Variants in VSNL1 observed in about 807,000 individuals in gnomAD.
The protein encoded by VSNL1 is visinin like 1.
Under a neutral mutation model 20.4 loss-of-function variants are expected in VSNL1, and 6 were observed. That is an observed-to-expected ratio of 0.29 (90% CI 0.16 to 0.58). The LOEUF (loss-of-function observed/expected upper bound fraction) is 0.58, where lower values mean the gene tolerates loss of function less well. Among genes scored for constraint, VSNL1 ranks in the 20% least tolerant of loss-of-function variants. The pLI, the probability that VSNL1 is intolerant of heterozygous loss-of-function variation, is 0.90. For missense variants in VSNL1, 100 were observed against 234.5 expected, an observed-to-expected ratio of 0.43 and a Z score of 3.75; for synonymous variants, 93 against 86.4, an observed-to-expected ratio of 1.08 and a Z score of -0.42.
At chr2:17,644,190 C>T (rs1665944661) in intron 2 of VSNL1, among the ~76,000 whole-genome samples, 1 of 152,110 alleles carries the variant, frequency 6.6e-6, no homozygotes, top group East Asian at 1.9e-4. Flanking sequence ...AGCTGAAAGC[C>T]AAAACCAAAT....
chr2:17,655,494 C>CACAA lies in VSNL1; in HGVS notation c.*103_*104insAACA. ...ACACACACACACACACACACACACA[C>CACAA]ACACACAAATATTGCTTGGACTACC... On this transcript the variant is annotated 3_prime_UTR_variant, in exon 4 of 4. Transcript: ENST00000295156. The surrounding 1 kb of genome is among the most constrained non-coding windows in gnomAD (Gnocchi z 5.2). The CACAA allele has an allele frequency of 6.5e-6, 7 of 1,071,404 alleles. No homozygotes were observed. The highest frequency in any genetic ancestry group is 2.2e-5 in the Admixed American group (1 of 46,084). The allele number at this position is 1,071,404 out of a possible 1,614,324, so 66.4% of individuals were successfully genotyped here.
At chr2:17,547,855 G>T (rs1414070720) in intron 1 of VSNL1, among the ~76,000 whole-genome samples, 1 of 152,054 alleles carries the variant, frequency 6.6e-6, no homozygotes, top group Non-Finnish European at 1.5e-5. Context: ...TTACTGTTCA[G>T]TGTAGCTAAA....
At chr2:17,546,238 T>C (rs1663403327) in intron 1 of VSNL1, among the ~76,000 whole-genome samples, 1 of 152,062 alleles carries the variant, frequency 6.6e-6, no homozygotes, top group Admixed American at 6.5e-5. Context: ...TCTGCAATTA[T>C]TATCGATGCA....
chr2:17,618,180 G>C (rs1194147660), intron 2 of VSNL1, among the ~76,000 whole-genome samples: 1 of 152,184 alleles, frequency 6.6e-6, no homozygotes, highest in Non-Finnish European at 1.5e-5. Context: ...GCTGTAACAA[G>C]TTACTACAAA....
rs55756596 is a variant in VSNL1, at chr2:17,592,640, CTTTTTTTTTTTTTTTTTTT to C, written c.162+425_162+443del. On this transcript the variant is annotated intron_variant, in intron 2 of 3. Transcript: ENST00000295156. ...AAGAGGGCTTTTTCTCTCTCTCTCTCTTTTTTTTTTTTTTTTTTTTTTTTTTTTTTTTTTTTTTTACCAG... is the reference window on the plus strand; with the variant it reads ...AAGAGGGCTTTTTCTCTCTCTCTCTCTTTTTTTTTTTTTTTTTTTTACCAG... 4.3e-3 allele frequency among the ~76,000 whole-genome samples: 308 copies of C among 70,888 alleles called. 7 individuals carry two copies. The East Asian group carries it at 0.092, about 21-fold the overall frequency. The allele number at this position is 70,888 out of a possible 152,430, so 46.5% of individuals were successfully genotyped here. A position where few individuals can be genotyped will look rare whatever the true frequency, so the allele number is the denominator to read the frequency against.
At chr2:17,566,136 G>A (rs955797161) in intron 1 of VSNL1, among the ~76,000 whole-genome samples, 1 of 152,080 alleles carries the variant, frequency 6.6e-6, no homozygotes, top group African/African-American at 2.4e-5. Flanking sequence ...ATTTCATCAT[G>A]CAACTATATC....
At chr2:17,551,995 G>A (rs1249152135) in intron 1 of VSNL1, among the ~76,000 whole-genome samples, 1 of 150,430 alleles carries the variant, frequency 6.6e-6, no homozygotes, top group Non-Finnish European at 1.5e-5. Context: ...TCAGGAGATC[G>A]AGACCATCCT....
intron 2 of VSNL1, among the ~76,000 whole-genome samples, chr2:17,639,381 T>C (rs546817665): frequency 6.6e-6 from 1 of 152,278 alleles, no homozygotes; most frequent in South Asian, 2.1e-4. Context: ...CTCATTAACA[T>C]TGGGTGTGCC....
chr2:17,611,681 G>C (rs1665091453), intron 2 of VSNL1, among the ~76,000 whole-genome samples: 1 of 152,180 alleles, frequency 6.6e-6, no homozygotes. Context: ...GGTGCGAAAG[G>C]AGCCAGCTCC....
intron 1 of VSNL1, among the ~76,000 whole-genome samples, chr2:17,570,315 G>A (rs1315131594): frequency 1.3e-5 from 2 of 152,168 alleles, no homozygotes; most frequent in African/African-American, 4.8e-5. Flanking sequence ...ATGCTTGGGA[G>A]AATCACTTAT....
intron 1 of VSNL1, among the ~76,000 whole-genome samples, chr2:17,585,808 CTTT>C (rs55893675): frequency 5.6e-5 from 8 of 143,228 alleles, no homozygotes; most frequent in African/African-American, 2.6e-5. Context: ...TTCTTTTTTT[CTTT>C]TTTTTTTTTT....
chr2:17,655,700 T>C lies in VSNL1; in HGVS notation c.*306T>C. Reference sequence around the variant, plus strand: ...CTGGGCAGAAATGTGCTGCAAAGAGTTATATGACTTCTTGTTCATGTTTTG... The same window carrying C: ...CTGGGCAGAAATGTGCTGCAAAGAGCTATATGACTTCTTGTTCATGTTTTG... On this transcript the variant is annotated 3_prime_UTR_variant, in exon 4 of 4. Transcript: ENST00000295156. This position sits in a 1 kb window ranked among gnomAD's most constrained non-coding sequence, Gnocchi z 5.2. The C allele has an allele frequency of 1.8e-5, 5 of 284,558 alleles. No homozygotes were observed. The South Asian group carries it at 2.4e-4, about 14-fold the overall frequency. The allele number at this position is 284,558 out of a possible 1,614,324, so 17.6% of individuals were successfully genotyped here. A position where few individuals can be genotyped will look rare whatever the true frequency, so the allele number is the denominator to read the frequency against.
At chr2:17,564,950 C>A (rs997432223) in intron 1 of VSNL1, among the ~76,000 whole-genome samples, 23 of 152,166 alleles carry the variant, frequency 1.5e-4, no homozygotes, top group African/African-American at 5.3e-4. Flanking sequence ...AAAATGAAAT[C>A]ACTTCAGAAT....
At chr2:17,558,172 T>A (rs1663733130) in intron 1 of VSNL1, among the ~76,000 whole-genome samples, 1 of 152,192 alleles carries the variant, frequency 6.6e-6, no homozygotes, top group Non-Finnish European at 1.5e-5. Flanking sequence ...TTGAAATGCT[T>A]ATGTCCTGAC....
At chr2:17,601,349 A>G (rs751068354) in intron 2 of VSNL1, among the ~76,000 whole-genome samples, 6 of 152,232 alleles carry the variant, frequency 3.9e-5, no homozygotes, top group Non-Finnish European at 8.8e-5. Flanking sequence ...AAGAAATGTC[A>G]AAGCAGCCAG....
chr2:17,576,741 T>C (rs1430783153), intron 1 of VSNL1, among the ~76,000 whole-genome samples: 1 of 152,236 alleles, frequency 6.6e-6, no homozygotes, highest in Non-Finnish European at 1.5e-5. Context: ...ATCAGTCTTA[T>C]CTTTTATAGT....
intron 2 of VSNL1, among the ~76,000 whole-genome samples, chr2:17,633,489 AGCCTGGGT>A (rs1665683740): frequency 6.6e-6 from 1 of 151,874 alleles, no homozygotes; most frequent in Non-Finnish European, 1.5e-5. Flanking sequence ...ACTGCACTCC[AGCCTGGGT>A]GACAGAGTGA....
chr2:17,559,821 C>T (rs1179835570), intron 1 of VSNL1, among the ~76,000 whole-genome samples: 1 of 151,792 alleles, frequency 6.6e-6, no homozygotes, highest in Non-Finnish European at 1.5e-5. Context: ...CTATCTATCC[C>T]TGAAAAACAC....
At chr2:17,647,966 T>C (rs1315610085) in intron 2 of VSNL1, among the ~76,000 whole-genome samples, 3 of 152,146 alleles carry the variant, frequency 2.0e-5, no homozygotes, top group Non-Finnish European at 2.9e-5. Flanking sequence ...TAAGAGAACA[T>C]TGTCCTTTGT....
Sources: gnomAD v4.1 joint callset for allele counts (sites outside exome capture counted in the v4.1 genomes callset) on GRCh38, gnomAD v4.1.1 for gene constraint, Gnocchi (gnomAD v3.1) non-coding constraint, MANE v1.5 for transcripts, NCBI Gene and HGNC (gene_info 2026-07-23, HGNC 2026-07-21) for gene names.